Variants in DZANK1 observed in about 807,000 individuals in gnomAD.
DZANK1 encodes the protein double zinc ribbon and ankyrin repeat domains 1.
Under a neutral mutation model 94.5 loss-of-function variants are expected in DZANK1, and 91 were observed. The ratio of observed to expected loss-of-function variants is 0.96; its 90% CI spans 0.81 to 1.15. The LOEUF (loss-of-function observed/expected upper bound fraction) is 1.15. DZANK1 is among the 50% of genes most tolerant of loss of function. DZANK1 has a pLI of 0.00. For missense variants in DZANK1, 903 were observed against 916.4 expected, an observed-to-expected ratio of 0.99 and a Z score of 0.19; for synonymous variants, 312 against 325.3, an observed-to-expected ratio of 0.96 and a Z score of 0.44.
At chr20:18,391,007 C>T (rs1161377174) in intron 17 of DZANK1, among the ~76,000 whole-genome samples, 2 of 152,084 alleles carry the variant, frequency 1.3e-5, no homozygotes, top group African/African-American at 2.4e-5. Flanking sequence ...ACCAGCCTAG[C>T]CAACATGGTG....
At chr20:18,417,260 A>G (rs1436127027) in intron 10 of DZANK1, among the ~76,000 whole-genome samples, 1 of 152,192 alleles carries the variant, frequency 6.6e-6, no homozygotes, top group East Asian at 1.9e-4. Flanking sequence ...AGTTTTGTTG[A>G]TAGATGAGAC....
Position 18,427,143 on chromosome 20 carries a change from C to T in DZANK1, c.878G>A (p.Arg293Gln), listed in dbSNP as rs566763701. 31 of 1,612,406 alleles carry T rather than the reference C, an allele frequency of 1.9e-5. No homozygotes were observed. Among genetic ancestry groups the T allele is most frequent in the Admixed American group, 5.0e-5 (3 of 59,950 alleles). Residue 293 changes from arginine to glutamine, a missense_variant, in exon 10 of 21, where the codon CGG becomes CAG. By Grantham distance (43) the Arg-to-Gln change is conservative. Transcript: ENST00000262547. The stretch of plus-strand genomic sequence containing the variant: ...AGCAGGATTTCCTGTACCACAGGCC[C>T]GGCAAATTACCTTCTCCTTAACAAC...
chr20:18,442,875 T>C (rs1468463954), intron 8 of DZANK1, among the ~76,000 whole-genome samples: 3 of 152,220 alleles, frequency 2.0e-5, no homozygotes, highest in Non-Finnish European at 4.4e-5. Context: ...AGTAGTGAGA[T>C]ATCAATTATT....
chr20:18,425,475 A>C, intron 10 of DZANK1, among the ~76,000 whole-genome samples: 1 of 151,408 alleles, frequency 6.6e-6, no homozygotes, highest in Non-Finnish European at 1.5e-5. Flanking sequence ...CGCTTGAACC[A>C]GGGAGGCGGA....
At chr20:18,435,611 G>A (rs1191329155) in intron 8 of DZANK1, among the ~76,000 whole-genome samples, 1 of 152,130 alleles carries the variant, frequency 6.6e-6, no homozygotes, top group Non-Finnish European at 1.5e-5. Flanking sequence ...GGGGGCAAGA[G>A]GAGGAAAAGC....
At chr20:18,405,801 G>A (rs1056931509) in intron 13 of DZANK1, among the ~76,000 whole-genome samples, 15 of 152,248 alleles carry the variant, frequency 9.9e-5, no homozygotes, top group Non-Finnish European at 1.8e-4. Context: ...GGGCAGGAGA[G>A]ACGGTCTTGA....
At chr20:18,453,969 T>C (rs2059196827) in intron 4 of DZANK1, 142 bp from the exon 5 acceptor site, 2 of 761,490 alleles carry the variant, frequency 2.6e-6, no homozygotes, top group South Asian at 2.7e-5. Context: ...CCTGTTTCAC[T>C]TTATTCTGGA....
At chr20:18,401,641 G>A (rs1198524702) in intron 13 of DZANK1, among the ~76,000 whole-genome samples, 3 of 152,240 alleles carry the variant, frequency 2.0e-5, no homozygotes, top group Non-Finnish European at 4.4e-5. Flanking sequence ...AGCTGTCTGG[G>A]ATGGCTCAGC....
intron 12 of DZANK1, chr20:18,413,289 T>G: frequency 5.5e-6 from 1 of 181,766 alleles, no homozygotes; most frequent in Non-Finnish European, 1.2e-5. Flanking sequence ...GCATTCAAAG[T>G]AGTACCATTC....
chr20:18,404,444 C>A (rs1262178917), intron 13 of DZANK1, among the ~76,000 whole-genome samples: 1 of 152,148 alleles, frequency 6.6e-6, no homozygotes, highest in Non-Finnish European at 1.5e-5. Context: ...GGAGTCACAT[C>A]AGAAGCTTCA....
intron 18 of DZANK1, 108 bp downstream of exon 18, chr20:18,390,271 G>C: frequency 5.0e-6 from 5 of 1,000,796 alleles, no homozygotes; most frequent in Non-Finnish European, 7.8e-6. Context: ...TTTAATCAAA[G>C]GGCAGTGTAA....
chr20:18,389,786 T>C, exon 19 of DZANK1: 1 of 1,614,014 alleles, frequency 6.2e-7, no homozygotes, highest in Non-Finnish European at 8.5e-7. Context: ...GCCACGGTTA[T>C]GACGGGTCGA....
At chr20:18,421,057 T>C (rs556898774) in intron 10 of DZANK1, 1 of 167,370 alleles carries the variant, frequency 6.0e-6, no homozygotes, top group African/African-American at 2.4e-5. Context: ...TTCAGTTTTA[T>C]AATGAACCAG....
In DZANK1 at chr20:18,446,994, G is replaced by A. The variant is rs185907655; in HGVS notation, c.629+1990C>T. On this transcript the variant is annotated intron_variant, in intron 7 of 20. Coordinates refer to ENST00000262547, the Ensembl canonical transcript of DZANK1. Reference sequence around the variant, plus strand: ...TTATATAAAATAGATAACACTTCAGGTAGATATATTTCAGGGATGTAAGGT... The same window carrying A: ...TTATATAAAATAGATAACACTTCAGATAGATATATTTCAGGGATGTAAGGT... Among the ~76,000 whole-genome samples the A allele has an allele frequency of 2.0e-5, 3 of 152,186 alleles. No individual in the cohort carries two copies. The East Asian group carries it at 5.8e-4, about 29-fold the overall frequency.
rs1424548177 is a variant in DZANK1 at position 18,412,675 on chromosome 20, G to C, written c.1403C>G (p.Pro468Arg). 7 of 1,612,932 alleles carry C rather than the reference G, an allele frequency of 4.3e-6. No individual in the cohort carries two copies. In the Admixed American group the frequency reaches 1.2e-4, roughly 27 times the overall value. The change falls in exon 13 of 21, where the codon CCC becomes CGC. Residue 468 changes from proline to arginine, a missense_variant. Pro to Arg is a moderately radical substitution (Grantham distance 103). Coordinates refer to ENST00000262547, the Ensembl canonical transcript of DZANK1. ...TCCTGGGCTGATGGCTGTCAGGAGG[G>C]GTTTATGGTCACTCATTTTCTCCTG...
At chr20:18,426,279 G>A (rs1258150839) in intron 10 of DZANK1, among the ~76,000 whole-genome samples, 1 of 152,182 alleles carries the variant, frequency 6.6e-6, no homozygotes, top group African/African-American at 2.4e-5. Flanking sequence ...AGGAGGAGCA[G>A]TTTCATCCTG....
At chr20:18,385,947 G>A (rs2048464816) in intron 19 of DZANK1, among the ~76,000 whole-genome samples, 1 of 152,196 alleles carries the variant, frequency 6.6e-6, no homozygotes, top group Admixed American at 6.5e-5. Context: ...CAACTGAAAT[G>A]GAGGCTGGAG....
At chr20:18,405,852 T>C (rs2056934379) in intron 13 of DZANK1, among the ~76,000 whole-genome samples, 1 of 152,206 alleles carries the variant, frequency 6.6e-6, no homozygotes, top group Admixed American at 6.5e-5. Context: ...GCAGCAGCTA[T>C]ACAGGATGGA....
At chr20:18,448,866 CA>C (rs1204337584) in intron 7 of DZANK1, 117 bp downstream of exon 7, 149,869 of 469,142 alleles carry the variant, frequency 0.32, 8,640 homozygotes, top group African/African-American at 0.38. Flanking sequence ...GACTCCGTCT[CA>C]AAAAAAAAAA....
Sources: allele counts gnomAD v4.1 joint callset (sites outside exome capture counted in the v4.1 genomes callset), GRCh38; gene constraint gnomAD v4.1.1; transcripts MANE v1.5; gene names NCBI Gene and HGNC (gene_info 2026-07-23, HGNC 2026-07-21).